The following SLC25A26 variants were observed in gnomAD, a reference collection of about 807,000 sequenced individuals.
SLC25A26 encodes the protein solute carrier family 25 member 26.
In SLC25A26, 36 loss-of-function variants were observed where a neutral mutation model predicts 37.8. The ratio of observed to expected loss-of-function variants is 0.95; its 90% CI spans 0.73 to 1.26. SLC25A26 has a LOEUF of 1.26. Among genes scored for constraint, SLC25A26 ranks in the 50% most tolerant of loss-of-function variants. SLC25A26 has a pLI of 0.00. For synonymous variants in SLC25A26, 129 were observed against 122.5 expected, an observed-to-expected ratio of 1.05 and a Z score of -0.35; for missense variants, 390 against 331.1, an observed-to-expected ratio of 1.18 and a Z score of -1.38.
At chr3:66,310,475 C>A (rs533989915) in intron 5 of SLC25A26, among the ~76,000 whole-genome samples, 2 of 152,260 alleles carry the variant, frequency 1.3e-5, no homozygotes, top group African/African-American at 4.8e-5. Context: ...TTTCTTTTAA[C>A]TGGGGCATCT....
chr3:66,178,049 C>T (rs560991514), intron 1 of SLC25A26, among the ~76,000 whole-genome samples: 4 of 152,236 alleles, frequency 2.6e-5, no homozygotes, highest in Admixed American at 6.5e-5. Context: ...TGAGACAGCT[C>T]GTGGGAATTG....
chr3:66,376,996 T>C (rs12495440), intron 9 of SLC25A26, among the ~76,000 whole-genome samples: 3,929 of 152,312 alleles, frequency 0.026, 263 homozygotes, highest in Admixed American at 0.14. Flanking sequence ...TGCCATAACT[T>C]ATATCACCAT....
At chr3:66,197,767 A>C (rs2071064250) in intron 1 of SLC25A26, among the ~76,000 whole-genome samples, 1 of 151,992 alleles carries the variant, frequency 6.6e-6, no homozygotes, top group Admixed American at 6.6e-5. Flanking sequence ...AGACAGGGTT[A>C]TTGTGAGATG....
At chr3:66,297,761 T>G (rs1016599369) in intron 5 of SLC25A26, among the ~76,000 whole-genome samples, 4 of 152,232 alleles carry the variant, frequency 2.6e-5, no homozygotes, top group African/African-American at 9.6e-5. Context: ...TAACAGAGAC[T>G]GTATGGACCA....
At chr3:66,211,044 C>A (rs1295274964) in intron 1 of SLC25A26, among the ~76,000 whole-genome samples, 2 of 152,190 alleles carry the variant, frequency 1.3e-5, no homozygotes, top group Non-Finnish European at 2.9e-5. Context: ...GGTAACATGA[C>A]CATGTCCTCT....
intron 1 of SLC25A26, among the ~76,000 whole-genome samples, chr3:66,204,930 G>A (rs2106820347): frequency 6.6e-6 from 1 of 152,308 alleles, no homozygotes; most frequent in East Asian, 1.9e-4. Flanking sequence ...AGGTAGGGAA[G>A]GGTATTGACT....
intron 1 of SLC25A26, among the ~76,000 whole-genome samples, chr3:66,178,537 C>T (rs1457559289): frequency 2.6e-5 from 4 of 152,092 alleles, no homozygotes; most frequent in Admixed American, 1.3e-4. Context: ...CACTGCCCAC[C>T]GCCCCACTTC....
intron 5 of SLC25A26, among the ~76,000 whole-genome samples, chr3:66,270,132 G>C (rs754980089): frequency 6.6e-6 from 1 of 152,156 alleles, no homozygotes; most frequent in Non-Finnish European, 1.5e-5. Context: ...ACATTACTAT[G>C]ATCTTTGCAT....
intron 5 of SLC25A26, among the ~76,000 whole-genome samples, chr3:66,288,349 G>A (rs1342508395): frequency 6.6e-6 from 1 of 152,166 alleles, no homozygotes; most frequent in Non-Finnish European, 1.5e-5. Flanking sequence ...TAAACTTTAA[G>A]TTCTGGGATA....
intron 6 of SLC25A26, among the ~76,000 whole-genome samples, chr3:66,358,560 T>C (rs542064202): frequency 1.3e-5 from 2 of 152,336 alleles, no homozygotes; most frequent in African/African-American, 4.8e-5. Context: ...TCCAAACCCA[T>C]GTGTTTTCAT....
At chr3:66,239,728 A>G (rs990155325) in intron 2 of SLC25A26, among the ~76,000 whole-genome samples, 7 of 152,114 alleles carry the variant, frequency 4.6e-5, no homozygotes, top group Admixed American at 1.3e-4. Context: ...CATTTTCAAA[A>G]CAAGAAAAAA....
intron 5 of SLC25A26, among the ~76,000 whole-genome samples, chr3:66,337,007 C>A (rs1463824985): frequency 6.6e-6 from 1 of 152,086 alleles, no homozygotes; most frequent in Non-Finnish European, 1.5e-5. Flanking sequence ...GTTGGAAAAT[C>A]TTGATACCAT....
At chr3:66,137,747 C>T (rs1028400810) in intron 1 of SLC25A26, among the ~76,000 whole-genome samples, 13 of 152,176 alleles carry the variant, frequency 8.5e-5, no homozygotes, top group Non-Finnish European at 1.6e-4. Flanking sequence ...ACTCCTAATA[C>T]AGTTCCTAGC....
intron 1 of SLC25A26, among the ~76,000 whole-genome samples, chr3:66,211,167 A>C (rs2071279900): frequency 6.6e-6 from 1 of 152,198 alleles, no homozygotes; most frequent in African/African-American, 2.4e-5. Context: ...GAACTCTAAG[A>C]GGGGATTCAC....
intron 1 of SLC25A26, among the ~76,000 whole-genome samples, chr3:66,139,582 T>C (rs1331306486): frequency 6.6e-6 from 1 of 152,188 alleles, no homozygotes; most frequent in Non-Finnish European, 1.5e-5. Context: ...AAGATTGAAT[T>C]AGATTTAGAG....
intron 5 of SLC25A26, among the ~76,000 whole-genome samples, chr3:66,327,572 A>G (rs1328028969): frequency 1.3e-5 from 2 of 152,200 alleles, no homozygotes; most frequent in South Asian, 2.1e-4. Flanking sequence ...ATTCATTGCA[A>G]TGTAAATAAT....
intron 5 of SLC25A26, among the ~76,000 whole-genome samples, chr3:66,333,356 G>C (rs1052579379): frequency 2.0e-5 from 3 of 152,066 alleles, no homozygotes; most frequent in African/African-American, 7.3e-5. Flanking sequence ...GCTTTGAGCT[G>C]TTTTTTCCAT....
chr3:66,246,997 GACTACAGGC>G (rs1250664488), intron 3 of SLC25A26, among the ~76,000 whole-genome samples: 1 of 152,060 alleles, frequency 6.6e-6, no homozygotes, highest in East Asian at 1.9e-4. Context: ...GAGTCGCTGG[GACTACAGGC>G]ACCCGCCACC....
chr3:66,244,351 A>G (rs180888546), intron 3 of SLC25A26, among the ~76,000 whole-genome samples: 1 of 152,348 alleles, frequency 6.6e-6, no homozygotes, highest in Non-Finnish European at 1.5e-5. Context: ...ACAGAATTTT[A>G]TGGAGAAATG....
Sources: allele counts gnomAD v4.1 joint callset (sites outside exome capture counted in the v4.1 genomes callset), GRCh38; gene constraint gnomAD v4.1.1; transcripts MANE v1.5; gene names NCBI Gene and HGNC (gene_info 2026-07-23, HGNC 2026-07-21).